Variants in VAC14 observed in about 807,000 individuals in gnomAD.
VAC14 encodes the protein VAC14 component of PIKFYVE complex.
Under a neutral mutation model 85.3 loss-of-function variants are expected in VAC14, and 47 were observed. The observed-to-expected ratio is 0.55, with a 90% CI of 0.44 to 0.70. The LOEUF is 0.70. Among genes scored for constraint, VAC14 ranks in the 30% least tolerant of loss-of-function variants. The pLI is 0.00. For synonymous variants in VAC14, 447 were observed against 430.5 expected, an observed-to-expected ratio of 1.04 and a Z score of -0.47; for missense variants, 861 against 1,004.3, an observed-to-expected ratio of 0.86 and a Z score of 1.93.
At chr16:70,798,467 A>T (rs536523005) in intron 1 of VAC14, among the ~76,000 whole-genome samples, 3 of 152,370 alleles carry the variant, frequency 2.0e-5, no homozygotes, top group East Asian at 3.9e-4. Flanking sequence ...TGACACATAG[A>T]AAGTGCTCAG....
chr16:70,799,249 A>G (rs750925864), intron 1 of VAC14, among the ~76,000 whole-genome samples: 1 of 152,204 alleles, frequency 6.6e-6, no homozygotes, highest in Non-Finnish European at 1.5e-5. Flanking sequence ...CCATGCCTAT[A>G]TATCATTTCT....
At chr16:70,783,768 C>T (rs370321199) in intron 5 of VAC14, among the ~76,000 whole-genome samples, 37 of 152,210 alleles carry the variant, frequency 2.4e-4, no homozygotes, top group African/African-American at 6.3e-4. Flanking sequence ...TAAGGAAATT[C>T]GGATGCCCAG....
intron 9 of VAC14, among the ~76,000 whole-genome samples, chr16:70,775,695 A>G (rs2033480769): frequency 6.6e-6 from 1 of 152,220 alleles, no homozygotes; most frequent in South Asian, 2.1e-4. Context: ...AAAGCTGGGG[A>G]AAGCTGGGCA....
At chr16:70,775,140 T>C (rs2033455904) in intron 9 of VAC14, among the ~76,000 whole-genome samples, 1 of 152,232 alleles carries the variant, frequency 6.6e-6, no homozygotes, top group Admixed American at 6.5e-5. Flanking sequence ...CTCCTGGATA[T>C]TGATATTATT....
intron 12 of VAC14, among the ~76,000 whole-genome samples, chr16:70,761,000 T>C (rs1597958980): frequency 8.7e-6 from 1 of 115,372 alleles, no homozygotes; most frequent in African/African-American, 4.3e-5. Context: ...TGTGTGTGTG[T>C]GTGTGTGTGT....
chr16:70,785,145 G>A (rs1289521963), intron 3 of VAC14, among the ~76,000 whole-genome samples: 2 of 152,258 alleles, frequency 1.3e-5, no homozygotes, highest in Non-Finnish European at 2.9e-5. Context: ...TTCCCCAGGG[G>A]TTTCCAATCT....
chr16:70,695,649 G>C, intron 16 of VAC14, 26 bp from the exon 17 acceptor site: 1 of 1,608,574 alleles, frequency 6.2e-7, no homozygotes. Flanking sequence ...AGGAAAGTCT[G>C]TCTGCTGGGC....
chr16:70,799,539 C>T (rs2034681367), intron 1 of VAC14, among the ~76,000 whole-genome samples: 1 of 152,194 alleles, frequency 6.6e-6, no homozygotes, highest in Non-Finnish European at 1.5e-5. Context: ...GGCAATTTTG[C>T]TCCTTCAGGG....
intron 9 of VAC14, chr16:70,772,446 C>T (rs539216263): frequency 3.3e-5 from 13 of 399,436 alleles, no homozygotes; most frequent in Admixed American, 4.1e-5. Flanking sequence ...GATCACTGGC[C>T]TGAGGGGAAT....
rs2053519345 is a variant in VAC14 at position 70,687,644 on chromosome 16, A to C, written c.*284T>G. 1 of 329,394 alleles carries C rather than the reference A, an allele frequency of 3.0e-6. No homozygotes were observed. 20.4% of individuals were successfully genotyped at this position (329,394 alleles called of 1,614,324 possible). On this transcript the variant is annotated 3_prime_UTR_variant, in exon 19 of 19. Coordinates refer to ENST00000261776, the MANE Select transcript of VAC14 (RefSeq NM_018052.5). The stretch of plus-strand genomic sequence containing the variant: ...CTTTTTCCAAGAGGGTATTAGAAAG[A>C]GGTTGATTCCAGAGGATGAGTGGTC...
intron 13 of VAC14, among the ~76,000 whole-genome samples, chr16:70,734,213 AC>A (rs1480214019): frequency 6.6e-6 from 1 of 151,988 alleles, no homozygotes; most frequent in African/African-American, 2.4e-5. Context: ...ATTACAGTTC[AC>A]TGCAGCCTCA....
chr16:70,794,060 C>T (rs996870400), intron 1 of VAC14, among the ~76,000 whole-genome samples: 3 of 152,244 alleles, frequency 2.0e-5, no homozygotes, highest in Admixed American at 6.5e-5. Context: ...GTTTTGATCT[C>T]GGGTGACAGT....
chr16:70,757,241 T>C, intron 12 of VAC14, among the ~76,000 whole-genome samples: 1 of 152,240 alleles, frequency 6.6e-6, no homozygotes. Flanking sequence ...GCCTTCTCGA[T>C]CTCAAAGGTT....
chr16:70,755,226 TG>T, intron 12 of VAC14: 1 of 345,598 alleles, frequency 2.9e-6, no homozygotes, highest in South Asian at 2.1e-5. Flanking sequence ...GACTGAGCCC[TG>T]GAGGGGGGCT....
At chr16:70,761,367 C>A in intron 12 of VAC14, 1 of 235,568 alleles carries the variant, frequency 4.2e-6, no homozygotes, top group South Asian at 4.6e-5. Context: ...TACAGCTCTG[C>A]CTACAGCTCA....
At chr16:70,783,638 G>C in intron 5 of VAC14, 84 bp from the exon 6 acceptor site, 1 of 1,369,552 alleles carries the variant, frequency 7.3e-7, no homozygotes, top group Non-Finnish European at 1.0e-6. Context: ...TGGGCTGTAG[G>C]AAGGGGACCC....
At chr16:70,799,769 C>T (rs2034689305) in intron 1 of VAC14, among the ~76,000 whole-genome samples, 2 of 152,116 alleles carry the variant, frequency 1.3e-5, no homozygotes, top group African/African-American at 2.4e-5. Flanking sequence ...TGTCACACCA[C>T]GGAATAGATT....
At chr16:70,756,860 G>A (rs1195188461) in intron 12 of VAC14, among the ~76,000 whole-genome samples, 1 of 152,276 alleles carries the variant, frequency 6.6e-6, no homozygotes, top group East Asian at 1.9e-4. Flanking sequence ...AGTCATGGCC[G>A]TGCCACAGTG....
intron 13 of VAC14, among the ~76,000 whole-genome samples, chr16:70,733,415 T>C (rs1243821943): frequency 6.9e-6 from 1 of 145,926 alleles, no homozygotes; most frequent in Non-Finnish European, 1.5e-5. Context: ...ATTCTGTTGA[T>C]TTTTTTTTTT....
Sources: allele counts gnomAD v4.1 joint callset (sites outside exome capture counted in the v4.1 genomes callset), GRCh38; gene constraint gnomAD v4.1.1; transcripts MANE v1.5; gene names NCBI Gene and HGNC (gene_info 2026-07-23, HGNC 2026-07-21).